B3GAT2: variants seen among roughly 807,000 people sequenced by gnomAD.
B3GAT2 encodes the protein beta-1,3-glucuronyltransferase 2.
B3GAT2 carries 26 observed loss-of-function variants against 27.8 expected under a neutral mutation model. The observed-to-expected ratio is 0.93, with a 90% CI of 0.68 to 1.30. The LOEUF (loss-of-function observed/expected upper bound fraction) is 1.30. B3GAT2 is among the 50% of genes most tolerant of loss of function. The probability of loss-of-function intolerance (pLI) is 0.00; values close to 1 mark genes in which losing one functional copy is unlikely to be tolerated. For missense variants in B3GAT2, 458 were observed against 459.0 expected, an observed-to-expected ratio of 1.00 and a Z score of 0.02; for synonymous variants, 218 against 195.1, an observed-to-expected ratio of 1.12 and a Z score of -0.98.
At chr6:70,919,705 G>A (rs1265789460) in intron 1 of B3GAT2, among the ~76,000 whole-genome samples, 2 of 152,182 alleles carry the variant, frequency 1.3e-5, no homozygotes, top group Non-Finnish European at 2.9e-5. Context: ...CAGACCGTTT[G>A]CCTCGGTATC....
intron 1 of B3GAT2, among the ~76,000 whole-genome samples, chr6:70,929,839 C>G (rs1380883865): frequency 1.3e-5 from 2 of 152,190 alleles, no homozygotes; most frequent in African/African-American, 4.8e-5. Flanking sequence ...TTGGAAAAAA[C>G]TACTTTAAAG....
chr6:70,911,238 C>T (rs1444272961), intron 1 of B3GAT2, among the ~76,000 whole-genome samples: 2 of 152,126 alleles, frequency 1.3e-5, no homozygotes, highest in African/African-American at 4.8e-5. Flanking sequence ...TTGCCAGGGA[C>T]TATGTCCAGA....
intron 2 of B3GAT2, among the ~76,000 whole-genome samples, chr6:70,877,218 C>T (rs1043092393): frequency 3.9e-5 from 6 of 152,138 alleles, no homozygotes; most frequent in South Asian, 2.1e-4. Context: ...TGGGCCCCAC[C>T]GGGGGTGTTC....
intron 1 of B3GAT2, among the ~76,000 whole-genome samples, chr6:70,915,810 G>C (rs1466002752): frequency 6.6e-6 from 1 of 152,156 alleles, no homozygotes; most frequent in African/African-American, 2.4e-5. Flanking sequence ...CTGTAGCCTT[G>C]TAGTGTAGTT....
intron 1 of B3GAT2, among the ~76,000 whole-genome samples, chr6:70,937,131 C>A (rs1436361290): frequency 6.6e-6 from 1 of 152,150 alleles, no homozygotes; most frequent in Non-Finnish European, 1.5e-5. Flanking sequence ...CACCTCTACG[C>A]AAATAAACTG....
chr6:70,955,954 T>C lies in B3GAT2; in HGVS notation c.476A>G (p.Gln159Arg). The C allele has an allele frequency of 6.6e-7, 1 of 1,525,850 alleles. No individual in the cohort carries two copies. Among genetic ancestry groups the C allele is most frequent in the Non-Finnish European group, 8.7e-7 (1 of 1,143,280 alleles). The allele number at this position is 1,525,850 out of a possible 1,614,324, so 94.5% of individuals were successfully genotyped here. ...CAGCCAGGCGAGGCCCGCGTTGCGCTGCTCAGTGGCGCGCGGCAGCCCGGG... is the reference window on the plus strand; with the variant it reads ...CAGCCAGGCGAGGCCCGCGTTGCGCCGCTCAGTGGCGCGCGGCAGCCCGGG... ...KRPGLPRATE[Q>R]RNAGLAWLRQ... Residue 159 changes from glutamine to arginine, a missense_variant, in exon 1 of 4, where the codon CAG (glutamine) becomes CGG (arginine). Coordinates refer to ENST00000230053, the MANE Select transcript of B3GAT2 (RefSeq NM_080742.3).
At chr6:70,943,186 C>T (rs1765421261) in intron 1 of B3GAT2, among the ~76,000 whole-genome samples, 1 of 152,170 alleles carries the variant, frequency 6.6e-6, no homozygotes, top group African/African-American at 2.4e-5. Context: ...TGCAAAAAGA[C>T]TCAACCAATG....
intron 1 of B3GAT2, among the ~76,000 whole-genome samples, chr6:70,895,914 C>G (rs1772376201): frequency 6.6e-6 from 1 of 151,652 alleles, no homozygotes; most frequent in African/African-American, 2.4e-5. Flanking sequence ...AAAGCCTTAT[C>G]TTTAGAAAGG....
intron 1 of B3GAT2, among the ~76,000 whole-genome samples, chr6:70,915,862 C>T (rs996324410): frequency 6.6e-6 from 1 of 152,112 alleles, no homozygotes; most frequent in Admixed American, 6.5e-5. Flanking sequence ...GTTCTTTTTG[C>T]CCAGGATTGT....
chr6:70,871,950 A>G (rs1371500018), intron 2 of B3GAT2, among the ~76,000 whole-genome samples: 1 of 151,910 alleles, frequency 6.6e-6, no homozygotes, highest in Non-Finnish European at 1.5e-5. Context: ...TGATTTCTTA[A>G]CAAATTGATT....
At chr6:70,918,233 T>C (rs887167970) in intron 1 of B3GAT2, among the ~76,000 whole-genome samples, 2 of 152,194 alleles carry the variant, frequency 1.3e-5, no homozygotes, top group African/African-American at 4.8e-5. Flanking sequence ...AAACCCTTTT[T>C]TTTGCTTTCC....
chr6:70,882,810 G>C (rs1300598486), intron 2 of B3GAT2, among the ~76,000 whole-genome samples: 1 of 152,164 alleles, frequency 6.6e-6, no homozygotes, highest in South Asian at 2.1e-4. Context: ...GCAAGGAGAG[G>C]CCTCAAGGGA....
intron 1 of B3GAT2, among the ~76,000 whole-genome samples, chr6:70,933,002 G>A (rs925483664): frequency 6.6e-6 from 1 of 152,096 alleles, no homozygotes; most frequent in South Asian, 2.1e-4. Flanking sequence ...GTCTCATGAT[G>A]TTACCCAAGC....
At chr6:70,906,308 A>G (rs1278054784) in intron 1 of B3GAT2, among the ~76,000 whole-genome samples, 1 of 152,040 alleles carries the variant, frequency 6.6e-6, no homozygotes, top group Non-Finnish European at 1.5e-5. Context: ...ATACTCTACC[A>G]CGACCACACA....
In B3GAT2 at chr6:70,928,203, A is replaced by G. The variant is rs956662628; in HGVS notation, c.591+27636T>C. On this transcript the variant is annotated intron_variant, in intron 1 of 3. Transcript: ENST00000230053. ...CAAAGCAGTGTGTAGAGGGAAATTT[A>G]TAGCACTAAATGCCCACAAGAGAAA... 2.6e-5 allele frequency among the ~76,000 whole-genome samples: 4 copies of G among 152,304 alleles called. No individual in the cohort carries two copies. The South Asian group carries it at 8.3e-4, about 32-fold the overall frequency.
At chr6:70,888,178 C>T (rs1772222208) in intron 2 of B3GAT2, among the ~76,000 whole-genome samples, 1 of 152,020 alleles carries the variant, frequency 6.6e-6, no homozygotes, top group Non-Finnish European at 1.5e-5. Context: ...TGGGACAACA[C>T]ACCCACAGTG....
chr6:70,928,907 A>G lies in B3GAT2; in HGVS notation c.591+26932T>C, dbSNP rs539237250. On this transcript the variant is annotated intron_variant, in intron 1 of 3. Coordinates refer to ENST00000230053, the MANE Select transcript of B3GAT2 (RefSeq NM_080742.3). The stretch of plus-strand genomic sequence containing the variant: ...ATCATGCTGTTATAAAGACACATGC[A>G]CATGTATGTTTATTGAGGCACTATT... Among the ~76,000 whole-genome samples the G allele has an allele frequency of 1.7e-3, 261 of 152,338 alleles. 1 individual carries two copies. Among genetic ancestry groups the G allele is most frequent in the Non-Finnish European group, 2.6e-3 (180 of 68,032 alleles).
rs75122493 is a variant in B3GAT2, at chr6:70,909,380, G to A, written c.592-15108C>T. 3.0e-3 allele frequency among the ~76,000 whole-genome samples: 456 copies of A among 152,318 alleles called. 6 individuals carry two copies. Among genetic ancestry groups the A allele is most frequent in the African/African-American group, 0.011 (441 of 41,572 alleles). The stretch of plus-strand genomic sequence containing the variant: ...GGAAATCATATGTAAACAAGAAGGT[G>A]TATGAAAGCTACTGTGGCTTTATTA... On this transcript the variant is annotated intron_variant, in intron 1 of 3. Coordinates refer to ENST00000230053, the MANE Select transcript of B3GAT2 (RefSeq NM_080742.3).
chr6:70,865,385 TG>T (rs1562212884), intron 2 of B3GAT2, among the ~76,000 whole-genome samples: 1 of 152,224 alleles, frequency 6.6e-6, no homozygotes, highest in Admixed American at 6.5e-5. Flanking sequence ...CCTAAAGTGC[TG>T]GGATTACAGG....
Sources: allele counts gnomAD v4.1 joint callset (sites outside exome capture counted in the v4.1 genomes callset), GRCh38; gene constraint gnomAD v4.1.1; transcripts MANE v1.5; gene names NCBI Gene and HGNC (gene_info 2026-07-23, HGNC 2026-07-21).